The following SYT9 variants were observed in gnomAD, a reference collection of about 807,000 sequenced individuals.
The protein encoded by SYT9 is synaptotagmin-9.
In SYT9, 22 loss-of-function variants were observed where a neutral mutation model predicts 48.4. That is an observed-to-expected ratio of 0.45 (90% CI 0.32 to 0.65). The LOEUF (loss-of-function observed/expected upper bound fraction) is 0.65. Among genes scored for constraint, SYT9 ranks in the 30% least tolerant of loss-of-function variants. The pLI is 0.03. For synonymous variants in SYT9, 265 were observed against 245.0 expected (o/e 1.08, Z -0.76); for missense variants, 577 against 622.0 (o/e 0.93, Z 0.77).
At chr11:7,315,462 G>T (rs1375835619) in intron 3 of SYT9, among the ~76,000 whole-genome samples, 1 of 152,312 alleles carries the variant, frequency 6.6e-6, no homozygotes, top group East Asian at 1.9e-4. Flanking sequence ...GCAGTGAGGT[G>T]CCTTGAACTT....
intron 3 of SYT9, among the ~76,000 whole-genome samples, chr11:7,391,265 A>T (rs1328380548): frequency 6.6e-6 from 1 of 152,138 alleles, no homozygotes. Flanking sequence ...TGCAGTGAAC[A>T]TACAAGTGCA....
intron 1 of SYT9, among the ~76,000 whole-genome samples, chr11:7,284,444 A>T (rs1848560175): frequency 6.6e-6 from 1 of 152,128 alleles, no homozygotes; most frequent in Non-Finnish European, 1.5e-5. Context: ...TACATTTCTA[A>T]AAATGCTCTT....
At chr11:7,256,926 G>A (rs1322005692) in intron 1 of SYT9, among the ~76,000 whole-genome samples, 1 of 152,058 alleles carries the variant, frequency 6.6e-6, no homozygotes. Flanking sequence ...CTTTTTCTAG[G>A]TCATGGTTTT....
At chr11:7,460,758 G>C (rs938637708) in intron 6 of SYT9, among the ~76,000 whole-genome samples, 2 of 152,222 alleles carry the variant, frequency 1.3e-5, no homozygotes, top group Middle Eastern at 3.5e-3. Flanking sequence ...CAAAAATTGG[G>C]ATAACAACAT....
chr11:7,453,682 CCTGA>C (rs1848099988), intron 6 of SYT9, among the ~76,000 whole-genome samples: 2 of 152,176 alleles, frequency 1.3e-5, no homozygotes, highest in African/African-American at 2.4e-5. Context: ...TGACACTTTC[CCTGA>C]CTGACCAGAA....
chr11:7,244,152 A>G (rs766100337), intron 1 of SYT9, among the ~76,000 whole-genome samples: 4 of 152,162 alleles, frequency 2.6e-5, no homozygotes, highest in Non-Finnish European at 5.9e-5. Flanking sequence ...TCCTTTCAGT[A>G]TATTTCGTAT....
intron 1 of SYT9, among the ~76,000 whole-genome samples, chr11:7,276,315 G>C (rs1848392036): frequency 6.6e-6 from 1 of 152,082 alleles, no homozygotes; most frequent in Non-Finnish European, 1.5e-5. Context: ...CCTCTCTTCT[G>C]TCTTATTGCA....
Position 7,383,391 on chromosome 11 carries a change from C to G in SYT9, c.1045-32651C>G, listed in dbSNP as rs547937082. On this transcript the variant is annotated intron_variant, in intron 3 of 6. Transcript: ENST00000318881. Reference sequence around the variant, plus strand: ...GGGAAACCAGATGTCCCCAGAGAGCCCGGTGGCTCACTGGACATTTGATCC... The same window carrying G: ...GGGAAACCAGATGTCCCCAGAGAGCGCGGTGGCTCACTGGACATTTGATCC... 4.5e-3 allele frequency among the ~76,000 whole-genome samples: 685 copies of G among 152,272 alleles called. 4 individuals are homozygous for G. Among genetic ancestry groups the G allele is most frequent in the Admixed American group, 7.5e-3 (115 of 15,292 alleles).
chr11:7,402,757 G>C (rs72846048), intron 3 of SYT9, among the ~76,000 whole-genome samples: 28,714 of 151,960 alleles, frequency 0.19, 3,945 homozygotes, highest in African/African-American at 0.39. Flanking sequence ...ATATAGTTGA[G>C]TCATGCTTTG....
At chr11:7,329,620 C>T (rs1487853) in intron 3 of SYT9, among the ~76,000 whole-genome samples, 62,828 of 151,994 alleles carry the variant, frequency 0.41, 13,872 homozygotes, top group East Asian at 0.92. Flanking sequence ...CCAATGTCTC[C>T]GCTTATTTCT....
At position 7,418,166 on chromosome 11, in the gene SYT9, T is replaced by G. The variant is rs950349452; in HGVS notation, c.1337+38T>G. ...GAACTCTTTTCCAGTGCAAGTTCAC[T>G]GTGCCCAGGACTGGGAAGGCAGAGG... On this transcript the variant is annotated intron_variant, in intron 5 of 6. Coordinates refer to ENST00000318881, the MANE Select transcript of SYT9 (RefSeq NM_175733.4). The G allele has an allele frequency of 6.2e-6, 10 of 1,603,802 alleles. No individual in the cohort carries two copies. The East Asian group carries it at 2.2e-4, about 36-fold the overall frequency.
At chr11:7,307,495 C>T (rs921762143) in intron 2 of SYT9, among the ~76,000 whole-genome samples, 4 of 152,132 alleles carry the variant, frequency 2.6e-5, no homozygotes, top group African/African-American at 7.2e-5. Context: ...ACTATTATAT[C>T]CATAGCATTT....
intron 3 of SYT9, among the ~76,000 whole-genome samples, chr11:7,381,903 C>G (rs1169497163): frequency 6.6e-6 from 1 of 152,136 alleles, no homozygotes; most frequent in Non-Finnish European, 1.5e-5. Flanking sequence ...AGCCTTCCAG[C>G]CACTGGTACT....
intron 6 of SYT9, among the ~76,000 whole-genome samples, chr11:7,451,491 A>T (rs1848046353): frequency 2.0e-5 from 3 of 152,222 alleles, no homozygotes. Flanking sequence ...TCTTCAGATA[A>T]AAGAACCACA....
intron 3 of SYT9, among the ~76,000 whole-genome samples, chr11:7,395,944 T>C (rs1846743575): frequency 6.6e-6 from 1 of 152,102 alleles, no homozygotes; most frequent in Non-Finnish European, 1.5e-5. Flanking sequence ...CTTATGTACT[T>C]ATATGTGTTT....
chr11:7,305,464 C>G lies in SYT9; in HGVS notation c.497+2074C>G, dbSNP rs532715078. Among the ~76,000 whole-genome samples the G allele has an allele frequency of 2.6e-5, 4 of 152,302 alleles. No homozygotes were observed. In the South Asian group the frequency reaches 8.3e-4, roughly 32 times the overall value. On this transcript the variant is annotated intron_variant, in intron 2 of 6. Coordinates refer to ENST00000318881, the MANE Select transcript of SYT9 (RefSeq NM_175733.4). ...CACAATAAGAGCAGTACATGGTCTT[C>G]TAATTCTTTGAGGATTGTGTTGCAT...
At chr11:7,293,311 A>G (rs1848727101) in intron 1 of SYT9, among the ~76,000 whole-genome samples, 1 of 152,140 alleles carries the variant, frequency 6.6e-6, no homozygotes, top group Non-Finnish European at 1.5e-5. Flanking sequence ...GCCAATTTCC[A>G]TGTTCCAATT....
intron 3 of SYT9, among the ~76,000 whole-genome samples, chr11:7,406,363 G>T (rs1564892253): frequency 6.6e-6 from 1 of 151,820 alleles, no homozygotes; most frequent in Non-Finnish European, 1.5e-5. Flanking sequence ...TACTATTCTA[G>T]TCTCTATCTC....
In SYT9 at chr11:7,416,128, G is replaced by A; in HGVS notation, c.1131G>A (p.Arg377=). ...TGACCATTACCATTATAAAAGCAAG[G>A]AATTTAAAGGCAATGGACATAACAG... ...GRLTITIIKA[R]NLKAMDITGA... is the part of the protein sequence containing the mutation. Residue 377 remains arginine (R), a synonymous_variant, in exon 4 of 7, where the codon AGG becomes AGA. Coordinates refer to ENST00000318881, the MANE Select transcript of SYT9 (RefSeq NM_175733.4). 1.2e-6 allele frequency: 2 copies of A among 1,614,108 alleles called. No individual in the cohort carries two copies. Among genetic ancestry groups the A allele is most frequent in the Non-Finnish European group, 1.7e-6 (2 of 1,180,016 alleles).
Sources: gnomAD v4.1 joint callset for allele counts (sites outside exome capture counted in the v4.1 genomes callset) on GRCh38, gnomAD v4.1.1 for gene constraint, MANE v1.5 for transcripts, NCBI Gene and HGNC (gene_info 2026-07-23, HGNC 2026-07-21) for gene names.